The following P4HTM variants were observed in gnomAD, a reference collection of about 807,000 sequenced individuals.
P4HTM encodes the protein prolyl 4-hydroxylase, transmembrane, also known as transmembrane prolyl 4-hydroxylase.
Under a neutral mutation model 55.3 loss-of-function variants are expected in P4HTM, and 33 were observed. The observed-to-expected ratio is 0.60, with a 90% CI of 0.45 to 0.80. The LOEUF (loss-of-function observed/expected upper bound fraction) is 0.80, where lower values mean the gene tolerates loss of function less well. Ranked by LOEUF, P4HTM falls within the 30% of genes least tolerant of loss-of-function variation. The pLI is 0.00. For missense variants in P4HTM, 542 were observed against 696.5 expected (o/e 0.78, Z 2.50); for synonymous variants, 272 against 286.4 (o/e 0.95, Z 0.51).
At chr3:49,006,614 C>A in intron 8 of P4HTM, 73 bp from the exon 9 acceptor site, 2 of 1,298,280 alleles carry the variant, frequency 1.5e-6, no homozygotes, top group South Asian at 1.2e-5. Context: ...CCACCTTGGT[C>A]ATGCTCTTGG....
At chr3:48,997,363 C>T (rs1234066673) in intron 2 of P4HTM, 2 of 152,254 alleles carry the variant, frequency 1.3e-5, no homozygotes, top group Non-Finnish European at 1.5e-5. Flanking sequence ...GTGCCTTCCT[C>T]GAAAAAGATT....
At chr3:49,001,653 G>A (rs1336235883) in intron 3 of P4HTM, 25 bp downstream of exon 3, 5 of 1,587,536 alleles carry the variant, frequency 3.1e-6, no homozygotes, top group Non-Finnish European at 4.3e-6. Context: ...ACCTGAGTAG[G>A]CTCAGGGTGG....
At chr3:48,997,758 TC>T (rs1449622702) in intron 2 of P4HTM, 1 of 152,238 alleles carries the variant, frequency 6.6e-6, no homozygotes, top group Non-Finnish European at 1.5e-5. Context: ...TTCTTTTTGT[TC>T]CAACCAGGCA....
intron 6 of P4HTM, 198 bp downstream of exon 6, chr3:49,005,244 G>A: frequency 6.6e-7 from 1 of 1,515,128 alleles, no homozygotes; most frequent in East Asian, 2.3e-5. Context: ...TGGTCATCGT[G>A]ACCACTGGAG....
In P4HTM at chr3:49,007,151, A is replaced by G. The variant is rs573387882; in HGVS notation, c.*244A>G. ...CCGACAAACTCCGGGTCGGCGAAAC[A>G]GAGTCCGCGATAGGTGCAGCGGGCT... On this transcript the variant is annotated 3_prime_UTR_variant, in exon 9 of 9. Transcript: ENST00000383729. The surrounding 1 kb of genome is among the most constrained non-coding windows in gnomAD (Gnocchi z 5.1). 60 of 748,938 alleles carry G rather than the reference A, an allele frequency of 8.0e-5. 1 individual carries two copies. In the African/African-American group the frequency reaches 9.3e-4, roughly 12 times the overall value. 46.4% of individuals were successfully genotyped at this position (748,938 alleles called of 1,614,324 possible). A position where few individuals can be genotyped will look rare whatever the true frequency, so the allele number is the denominator to read the frequency against.
At position 48,990,643 on chromosome 3, in the gene P4HTM, C is replaced by T. The variant is rs1359204668; in HGVS notation, c.354+33C>T. 9 of 1,515,120 alleles carry T rather than the reference C, an allele frequency of 5.9e-6. No individual in the cohort carries two copies. In the East Asian group the frequency reaches 1.7e-4, roughly 29 times the overall value. 93.9% of individuals were successfully genotyped at this position (1,515,120 alleles called of 1,614,324 possible). A position where few individuals can be genotyped will look rare whatever the true frequency, so the allele number is the denominator to read the frequency against. On this transcript the variant is annotated intron_variant, in intron 1 of 8. Transcript: ENST00000383729. This position sits in a 1 kb window ranked among gnomAD's most constrained non-coding sequence, Gnocchi z 7.2. Reference sequence around the variant, plus strand: ...CCTCCCTGCCCCGCCGCGCTCCAGGCCCTGCACGGCTGAGCCCGAGAGGAC... The same window carrying T: ...CCTCCCTGCCCCGCCGCGCTCCAGGTCCTGCACGGCTGAGCCCGAGAGGAC...
At chr3:48,996,787 C>T (rs1034007137) in intron 2 of P4HTM, among the ~76,000 whole-genome samples, 1 of 152,128 alleles carries the variant, frequency 6.6e-6, no homozygotes, top group Admixed American at 6.5e-5. Context: ...TAAGTCTGTC[C>T]GGGGTTCGAC....
rs1322109601 is a variant in P4HTM, at chr3:48,990,329, G to A, written c.73G>A (p.Ala25Thr). Reference protein sequence around the residue: ...AAEEASRPQWAPPDHCQAQAA... With the variant: ...AAEEASRPQWTPPDHCQAQAA... ...CGAGGAGGCCTCGAGGCCGCAGTGG[G>A]CGCCGCCAGACCACTGCCAGGCTCA... is the stretch of plus-strand genomic sequence containing the variant. Residue 25 changes from alanine (A) to threonine (T), a missense_variant, in exon 1 of 9, where the codon GCG becomes ACG. By Grantham distance (58) the Ala-to-Thr change is moderately conservative (BLOSUM62 0). This residue lies in a region of P4HTM where 536 missense variants were observed against 672.1 expected (regional missense o/e 0.80). Coordinates refer to ENST00000383729, the MANE Select transcript of P4HTM (RefSeq NM_177939.3). The surrounding 1 kb of genome is among the most constrained non-coding windows in gnomAD (Gnocchi z 7.2). The A allele has an allele frequency of 6.9e-7, 1 of 1,453,364 alleles. No individual in the cohort carries two copies. The highest frequency in any genetic ancestry group is 2.8e-5 in the East Asian group (1 of 35,194). 90.0% of individuals were successfully genotyped at this position (1,453,364 alleles called of 1,614,324 possible).
rs553162983 is a variant in P4HTM, at chr3:49,002,620, C to T, written c.724+24C>T. The T allele has an allele frequency of 6.4e-7, 1 of 1,568,398 alleles. No homozygotes were observed. The highest frequency in any genetic ancestry group is 2.2e-5 in the East Asian group (1 of 44,654). On this transcript the variant is annotated intron_variant, in intron 4 of 8. Coordinates refer to ENST00000383729, the MANE Select transcript of P4HTM (RefSeq NM_177939.3). The surrounding 1 kb of genome is among the most constrained non-coding windows in gnomAD (Gnocchi z 4.4). The stretch of plus-strand genomic sequence containing the variant: ...CGGTGAGCTCACACCTCTGCACAGT[C>T]CTATCCCCGTGAGCCTCCTGCCCAC...
chr3:49,005,374 C>G, intron 6 of P4HTM: 1 of 1,410,424 alleles, frequency 7.1e-7, no homozygotes, highest in Non-Finnish European at 9.2e-7. Context: ...CTTGATTCCA[C>G]TTAGAGAAGC....
chr3:49,005,029 C>A lies in P4HTM; in HGVS notation c.1056C>A (p.Pro352=). The change falls in exon 6 of 9, where the codon CCC becomes CCA. Residue 352 remains proline (P), a synonymous_variant. Coordinates refer to ENST00000383729, the MANE Select transcript of P4HTM (RefSeq NM_177939.3). ...HTKLVANESV[P]FETSCRYMTV... is the part of the protein sequence containing the mutation. ...AGCTGGTAGCCAACGAGTCTGTACC[C>A]TTCGAGACCTCCTGCCGGCAAGTAT... The A allele has an allele frequency of 6.2e-7, 1 of 1,614,096 alleles. No homozygotes were observed. The highest frequency in any genetic ancestry group is 8.5e-7 in the Non-Finnish European group (1 of 1,180,036).
At chr3:49,005,205 T>A in intron 6 of P4HTM, 159 bp downstream of exon 6, 1 of 1,569,008 alleles carries the variant, frequency 6.4e-7, no homozygotes, top group Non-Finnish European at 8.6e-7. Context: ...CACAAGTTGT[T>A]TACCCAATGG....
intron 6 of P4HTM, chr3:49,005,277 C>G: frequency 6.9e-7 from 1 of 1,457,970 alleles, no homozygotes; most frequent in Non-Finnish European, 9.0e-7. Context: ...GATGTACCCA[C>G]AGACACCAAA....
At chr3:49,001,664 G>A (rs1359461677) in intron 3 of P4HTM, 36 bp downstream of exon 3, 1 of 1,563,014 alleles carries the variant, frequency 6.4e-7, no homozygotes, top group South Asian at 1.1e-5. Context: ...CTCAGGGTGG[G>A]AGTGCCCAGA....
Position 49,000,505 on chromosome 3 carries a change from C to T in P4HTM, c.437-933C>T, listed in dbSNP as rs372164139. Among the ~76,000 whole-genome samples the T allele has an allele frequency of 4.3e-4, 66 of 152,306 alleles. No homozygotes were observed. The East Asian group carries it at 9.8e-3, about 23-fold the overall frequency. ...AACTGAGAGAAGCGGCAGGCCACTC[C>T]GCAGGTAGCAGTGCTGCCCTTCCTC... On this transcript the variant is annotated intron_variant, in intron 2 of 8. Transcript: ENST00000383729.
chr3:48,995,542 T>C (rs983787636), intron 2 of P4HTM, among the ~76,000 whole-genome samples: 2 of 152,170 alleles, frequency 1.3e-5, no homozygotes, highest in Non-Finnish European at 2.9e-5. Context: ...GACTGATTTG[T>C]CTCAGCTGTG....
intron 2 of P4HTM, chr3:48,992,196 G>A (rs2092932839): frequency 6.6e-6 from 1 of 152,216 alleles, no homozygotes; most frequent in Non-Finnish European, 1.5e-5. Context: ...TTCAAATGAA[G>A]AGGAAACAGA....
Position 49,005,761 on chromosome 3 carries a change from C to A in P4HTM, c.1074-16C>A, listed in dbSNP as rs770772241. The A allele has an allele frequency of 7.5e-6, 12 of 1,593,514 alleles. No individual in the cohort carries two copies. The highest frequency in any genetic ancestry group is 1.7e-4 in the Middle Eastern group (1 of 5,850). On this transcript the variant is annotated splice_polypyrimidine_tract_variant and intron_variant, in intron 6 of 8. Transcript: ENST00000383729. ...CCACAACTGGGGACCTGCTCAGTGC[C>A]CCCCCTGCCTTACAGCTACATGACA...
Position 49,002,669 on chromosome 3 carries a change from C to G in P4HTM, c.724+73C>G, listed in dbSNP as rs1392713706. 1 of 1,180,636 alleles carries G rather than the reference C, an allele frequency of 8.5e-7. No individual in the cohort carries two copies. Among genetic ancestry groups the G allele is most frequent in the Admixed American group, 1.7e-5 (1 of 59,168 alleles). The allele number at this position is 1,180,636 out of a possible 1,614,324, so 73.1% of individuals were successfully genotyped here. Reference sequence around the variant, plus strand: ...ACTCCCAGGTGCACAATTTTGAAAACTTGGGCCCTTCCCCCACAGCCAGGC... The same window carrying G: ...ACTCCCAGGTGCACAATTTTGAAAAGTTGGGCCCTTCCCCCACAGCCAGGC... On this transcript the variant is annotated intron_variant, in intron 4 of 8. Coordinates refer to ENST00000383729, the MANE Select transcript of P4HTM (RefSeq NM_177939.3). The surrounding 1 kb of genome is among the most constrained non-coding windows in gnomAD (Gnocchi z 4.4).
Sources: allele counts gnomAD v4.1 joint callset (sites outside exome capture counted in the v4.1 genomes callset), GRCh38; gene constraint gnomAD v4.1.1; regional missense constraint gnomAD v4.1.1; non-coding constraint Gnocchi (gnomAD v3.1); transcripts MANE v1.5; gene names NCBI Gene and HGNC (gene_info 2026-07-23, HGNC 2026-07-21).